The following CLIC6 variants were observed in gnomAD, a reference collection of about 807,000 sequenced individuals.
CLIC6 encodes CLIC family member 6, also known as chloride intracellular channel protein 6.
CLIC6 carries 39 observed loss-of-function variants against 49.2 expected under a neutral mutation model. The ratio of observed to expected loss-of-function variants is 0.79; its 90% CI spans 0.61 to 1.04. The LOEUF (loss-of-function observed/expected upper bound fraction) is 1.04, where lower values mean the gene tolerates loss of function less well. Ranked by LOEUF, CLIC6 falls within the 50% of genes least tolerant of loss-of-function variation. CLIC6 has a pLI of 0.00. For missense variants in CLIC6, 988 were observed against 993.1 expected (o/e 0.99, Z 0.07); for synonymous variants, 446 against 433.4 (o/e 1.03, Z -0.36).
chr21:34,707,436 T>TACACACACACAC, intron 2 of CLIC6, 47 bp downstream of exon 2: 1 of 647,954 alleles, frequency 1.5e-6, no homozygotes. Context: ...CCTAGTTCTC[T>TACACACACACAC]GCACACACAC....
At chr21:34,676,662 A>G (rs1989677433) in intron 1 of CLIC6, among the ~76,000 whole-genome samples, 2 of 152,362 alleles carry the variant, frequency 1.3e-5, no homozygotes, top group Non-Finnish European at 2.9e-5. Flanking sequence ...CAGCAGCAGC[A>G]GGAGGACCTG....
At chr21:34,713,570 G>T (rs2056069927) in intron 5 of CLIC6, among the ~76,000 whole-genome samples, 1 of 151,948 alleles carries the variant, frequency 6.6e-6, no homozygotes, top group Non-Finnish European at 1.5e-5. Context: ...AGACAAGCCT[G>T]AGAAAAATCA....
rs574989708 is a variant in CLIC6 at position 34,670,569 on chromosome 21, C to T, written c.1181C>T (p.Pro394Leu). The T allele has an allele frequency of 2.0e-6, 3 of 1,511,678 alleles. No homozygotes were observed. Among genetic ancestry groups the T allele is most frequent in the African/African-American group, 1.4e-5 (1 of 71,492 alleles). 93.6% of individuals were successfully genotyped at this position (1,511,678 alleles called of 1,614,324 possible). A position where few individuals can be genotyped will look rare whatever the true frequency, so the allele number is the denominator to read the frequency against. Residue 394 changes from proline (P) to leucine (L), a missense_variant, in exon 1 of 6, where the codon CCC (proline) becomes CTC (leucine). Physicochemically the swap from Pro to Leu is moderately conservative, Grantham distance 98. Coordinates refer to ENST00000349499, the MANE Select transcript of CLIC6 (RefSeq NM_053277.3). ...EEAAGGEEESPDSSPHGEASR... is the reference protein window; with the variant it reads ...EEAAGGEEESLDSSPHGEASR... ...GCAGCGGGGGGCGAAGAGGAATCCC[C>T]CGACAGCAGCCCACATGGGGAGGCC...
At chr21:34,671,142 AGAAG>A (rs1356768465) in intron 1 of CLIC6, among the ~76,000 whole-genome samples, 10 of 90,762 alleles carry the variant, frequency 1.1e-4, no homozygotes, top group African/African-American at 3.5e-4. Context: ...AAAAAAAAAA[AGAAG>A]AAGAAGAAGA....
chr21:34,669,753 G>T lies in CLIC6; in HGVS notation c.365G>T (p.Arg122Leu). ...GGACGCGGCGCGCAGGGCGAGCCCC[G>T]CGGGGAGGCTCAGAGGGAGCCCGAG... ...SPGRGAQGEP[R>L]GEAQREPEDS... The change falls in exon 1 of 6, where the codon CGC becomes CTC. Residue 122 changes from arginine (R) to leucine (L), a missense_variant. By Grantham distance (102) the Arg-to-Leu change is moderately radical. Around this residue, in one of 3 missense-constraint regions of CLIC6, gnomAD observed 284 missense variants for 278.6 expected, o/e 1.02. Coordinates refer to ENST00000349499, the MANE Select transcript of CLIC6 (RefSeq NM_053277.3). The T allele has an allele frequency of 2.1e-6, 3 of 1,398,410 alleles. No homozygotes were observed. Among genetic ancestry groups the T allele is most frequent in the Non-Finnish European group, 2.8e-6 (3 of 1,086,874 alleles). The allele number at this position is 1,398,410 out of a possible 1,614,324, so 86.6% of individuals were successfully genotyped here.
At position 34,670,173 on chromosome 21, in the gene CLIC6, CGGGGG is replaced by C; in HGVS notation, c.786_790del (p.Gly263ProfsTer31). On this transcript the variant is annotated frameshift_variant, in exon 1 of 6. Transcript: ENST00000349499. LOFTEE classifies it high-confidence loss of function. The stretch of plus-strand genomic sequence containing the variant: ...GACCCGGCGGGGGACGGCGTAGAAG[CGGGGG>C]TCCCGGCGGGGGACAGCGTAGAAGC... The C allele has an allele frequency of 1.1e-6, 1 of 878,470 alleles. No homozygotes were observed. The highest frequency in any genetic ancestry group is 1.5e-6 in the Non-Finnish European group (1 of 663,416). 54.4% of individuals were successfully genotyped at this position (878,470 alleles called of 1,614,324 possible).
chr21:34,705,335 A>G lies in CLIC6; in HGVS notation c.1375-1945A>G, dbSNP rs373835269. 2.8e-4 allele frequency among the ~76,000 whole-genome samples: 42 copies of G among 152,228 alleles called. No homozygotes were observed. In the South Asian group the frequency reaches 8.7e-3, roughly 32 times the overall value. On this transcript the variant is annotated intron_variant, in intron 1 of 5. Transcript: ENST00000349499. ...AGCTCTGCACTTCCACTTGCTCCAG[A>G]ACAGGGAGTGAGGAGGAGATGGGGG...
intron 1 of CLIC6, among the ~76,000 whole-genome samples, chr21:34,684,818 G>A (rs1232690825): frequency 6.6e-6 from 1 of 152,198 alleles, no homozygotes; most frequent in Non-Finnish European, 1.5e-5. Context: ...TGTGACCTAG[G>A]TCATTCCATG....
chr21:34,688,850 C>T (rs539397473), intron 1 of CLIC6, among the ~76,000 whole-genome samples: 49 of 152,222 alleles, frequency 3.2e-4, no homozygotes, highest in Admixed American at 1.0e-3. Context: ...TTCTGATGGC[C>T]GCAATGTCAA....
intron 1 of CLIC6, among the ~76,000 whole-genome samples, chr21:34,692,684 A>C (rs1990018060): frequency 6.6e-6 from 1 of 152,172 alleles, no homozygotes; most frequent in Non-Finnish European, 1.5e-5. Flanking sequence ...AACTGACCTG[A>C]GTATGTTTGA....
intron 1 of CLIC6, among the ~76,000 whole-genome samples, chr21:34,702,965 G>C (rs139490405): frequency 6.2e-4 from 95 of 152,234 alleles, no homozygotes; most frequent in Middle Eastern, 3.4e-3. Context: ...GTCACCTACT[G>C]TTTTTATTCA....
chr21:34,701,295 C>T (rs1443175663), intron 1 of CLIC6, among the ~76,000 whole-genome samples: 1 of 104,898 alleles, frequency 9.5e-6, no homozygotes, highest in East Asian at 2.5e-4. Context: ...GGCGACAGAG[C>T]GAGGCTCCGT....
chr21:34,677,259 A>T (rs183892482), intron 1 of CLIC6, among the ~76,000 whole-genome samples: 108 of 152,302 alleles, frequency 7.1e-4, no homozygotes, highest in African/African-American at 2.5e-3. Flanking sequence ...CTGCTCTTGC[A>T]TGGGGGACCA....
At chr21:34,684,895 C>T (rs1989846953) in intron 1 of CLIC6, among the ~76,000 whole-genome samples, 1 of 152,192 alleles carries the variant, frequency 6.6e-6, no homozygotes, top group South Asian at 2.1e-4. Context: ...CAACACAGTG[C>T]TGATGAAGTG....
intron 1 of CLIC6, among the ~76,000 whole-genome samples, chr21:34,675,537 T>A (rs998212770): frequency 6.6e-6 from 1 of 152,228 alleles, no homozygotes; most frequent in African/African-American, 2.4e-5. Context: ...TTTTGTAATT[T>A]TTTTTTATTG....
intron 1 of CLIC6, among the ~76,000 whole-genome samples, chr21:34,675,421 C>G (rs529784256): frequency 6.6e-6 from 1 of 152,066 alleles, no homozygotes; most frequent in African/African-American, 2.4e-5. Context: ...GGGGCTTGGT[C>G]TCCAGGGAGC....
chr21:34,669,292 A>G lies in CLIC6; in HGVS notation c.-97A>G. The G allele has an allele frequency of 4.9e-6, 5 of 1,021,124 alleles. No homozygotes were observed. The highest frequency in any genetic ancestry group is 3.3e-5 in the East Asian group (1 of 30,718). The allele number at this position is 1,021,124 out of a possible 1,614,324, so 63.3% of individuals were successfully genotyped here. A position where few individuals can be genotyped will look rare whatever the true frequency, so the allele number is the denominator to read the frequency against. On this transcript the variant is annotated 5_prime_UTR_variant, in exon 1 of 6. Coordinates refer to ENST00000349499, the MANE Select transcript of CLIC6 (RefSeq NM_053277.3). ...ATCCCGGAGCCGGCGTCCTTCAAGG[A>G]GCACAGAGGGCCCCGTAGCACGCCC... is the stretch of plus-strand genomic sequence containing the variant.
chr21:34,710,136 G>A (rs1429186394), intron 5 of CLIC6, among the ~76,000 whole-genome samples: 1 of 151,962 alleles, frequency 6.6e-6, no homozygotes, highest in Non-Finnish European at 1.5e-5. Flanking sequence ...AAATTAGCTG[G>A]GCATGGTGGT....
At chr21:34,686,069 A>C (rs1989871519) in intron 1 of CLIC6, among the ~76,000 whole-genome samples, 2 of 152,238 alleles carry the variant, frequency 1.3e-5, no homozygotes, top group Admixed American at 1.3e-4. Flanking sequence ...TCAACTTAGT[A>C]AATAACTAAA....
Sources: allele counts gnomAD v4.1 joint callset (sites outside exome capture counted in the v4.1 genomes callset), GRCh38; gene constraint gnomAD v4.1.1; regional missense constraint gnomAD v4.1.1; transcripts MANE v1.5; gene names NCBI Gene and HGNC (gene_info 2026-07-23, HGNC 2026-07-21).